PKHD1: variants seen among roughly 807,000 people sequenced by gnomAD.
The protein encoded by PKHD1 is fibrocystin.
A neutral mutation model predicts 412.0 loss-of-function variants in PKHD1; 291 were observed. The ratio of observed to expected loss-of-function variants is 0.71; its 90% confidence interval spans 0.64 to 0.78. The LOEUF is 0.78. PKHD1 is among the 30% of genes least tolerant of loss of function. The pLI, the probability that PKHD1 is intolerant of heterozygous loss-of-function variation, is 0.00. For synonymous variants in PKHD1, 1,777 were observed against 1,821.5 expected (o/e 0.98, Z 0.62); for missense variants, 4,825 against 4,950.7 (o/e 0.97, Z 0.76).
intron 55 of PKHD1, among the ~76,000 whole-genome samples, chr6:51,767,191 C>G (rs191519936): frequency 1.3e-5 from 2 of 151,974 alleles, no homozygotes; most frequent in African/African-American, 2.4e-5. Flanking sequence ...GTGCCAACAA[C>G]AGATTACTCA....
chr6:51,707,649 C>A (rs1582196760), intron 60 of PKHD1, among the ~76,000 whole-genome samples: 1 of 152,136 alleles, frequency 6.6e-6, no homozygotes, highest in Non-Finnish European at 1.5e-5. Context: ...ACCATCCCTA[C>A]GTACTCCCAC....
intron 35 of PKHD1, among the ~76,000 whole-genome samples, chr6:51,963,777 G>GA (rs1473531528): frequency 6.6e-6 from 1 of 152,084 alleles, no homozygotes; most frequent in Non-Finnish European, 1.5e-5. Context: ...ATATATTTGA[G>GA]AATGTCTCTG....
chr6:51,881,229 A>AT (rs760290763), intron 46 of PKHD1, among the ~76,000 whole-genome samples: 8 of 151,740 alleles, frequency 5.3e-5, no homozygotes, highest in Non-Finnish European at 1.2e-4. Context: ...CCTTTAGTGT[A>AT]TTTTTTCAAT....
intron 48 of PKHD1, among the ~76,000 whole-genome samples, chr6:51,867,256 G>C (rs749833516): frequency 6.6e-6 from 1 of 152,156 alleles, no homozygotes; most frequent in East Asian, 1.9e-4. Context: ...AAATTAAAGA[G>C]GGCAGGAGCA....
At chr6:51,658,876 T>C (rs980508849) in intron 61 of PKHD1, 76 bp downstream of exon 61, 28 of 919,424 alleles carry the variant, frequency 3.0e-5, no homozygotes, top group East Asian at 4.8e-5. Context: ...TGTAAGTAGA[T>C]TGACATTTGC....
chr6:51,840,770 T>C (rs370533645), intron 50 of PKHD1, among the ~76,000 whole-genome samples: 71 of 152,282 alleles, frequency 4.7e-4, no homozygotes, highest in African/African-American at 1.6e-3. Context: ...GAGACCCAGA[T>C]GGAAAAGATC....
chr6:51,988,978 T>G (rs147743926), intron 35 of PKHD1, among the ~76,000 whole-genome samples: 25 of 152,354 alleles, frequency 1.6e-4, no homozygotes, highest in African/African-American at 6.0e-4. Context: ...GGGGCTCACA[T>G]TGTTAAAGTC....
At chr6:51,639,038 A>T in intron 63 of PKHD1, 82 bp from the exon 64 acceptor site, 1 of 1,045,744 alleles carries the variant, frequency 9.6e-7, no homozygotes, top group Non-Finnish European at 1.5e-6. Flanking sequence ...GAAGGCAGAC[A>T]TTTGGACAAT....
chr6:52,028,039 T>C, intron 30 of PKHD1, 117 bp downstream of exon 30: 7 of 1,227,370 alleles, frequency 5.7e-6, no homozygotes, highest in South Asian at 1.2e-5. Flanking sequence ...ATGATGTTCA[T>C]GTCTTTAACC....
intron 66 of PKHD1, among the ~76,000 whole-genome samples, chr6:51,621,532 T>C (rs184821697): frequency 3.4e-4 from 52 of 152,296 alleles, no homozygotes; most frequent in Middle Eastern, 3.4e-3. Context: ...TTGGAAATCT[T>C]TTCCCCCTTG....
At chr6:51,802,949 T>G (rs1763163849) in intron 52 of PKHD1, among the ~76,000 whole-genome samples, 1 of 147,072 alleles carries the variant, frequency 6.8e-6, no homozygotes, top group African/African-American at 2.6e-5. Flanking sequence ...AAAAATAAGA[T>G]GCTTGTATCC....
At chr6:51,883,984 G>T (rs781509382) in intron 45 of PKHD1, among the ~76,000 whole-genome samples, 5 of 152,092 alleles carry the variant, frequency 3.3e-5, no homozygotes, top group Non-Finnish European at 7.4e-5. Flanking sequence ...CTCAATCTTG[G>T]ACTTCCAAGC....
intron 63 of PKHD1, among the ~76,000 whole-genome samples, chr6:51,644,953 C>T (rs1380641076): frequency 2.6e-5 from 4 of 152,158 alleles, no homozygotes; most frequent in Non-Finnish European, 5.9e-5. Flanking sequence ...GCTGGCATTA[C>T]AGGCATGTGT....
chr6:51,704,378 A>G (rs758779619), intron 60 of PKHD1, among the ~76,000 whole-genome samples: 7 of 152,104 alleles, frequency 4.6e-5, no homozygotes, highest in Non-Finnish European at 1.0e-4. Context: ...TTTCTTCTAT[A>G]AGATAAAGGG....
intron 52 of PKHD1, among the ~76,000 whole-genome samples, chr6:51,829,462 C>A (rs1039089576): frequency 6.6e-6 from 1 of 152,100 alleles, no homozygotes; most frequent in Admixed American, 6.5e-5. Context: ...GTGGGAAAAA[C>A]CATAGCCCAG....
At chr6:51,817,578 G>A (rs148293108) in intron 52 of PKHD1, among the ~76,000 whole-genome samples, 28 of 152,264 alleles carry the variant, frequency 1.8e-4, no homozygotes, top group Non-Finnish European at 3.4e-4. Context: ...GCCTCACTAT[G>A]CCAACAGCAA....
chr6:51,918,543 C>A (rs973161183), intron 37 of PKHD1, among the ~76,000 whole-genome samples: 1 of 152,182 alleles, frequency 6.6e-6, no homozygotes, highest in Non-Finnish European at 1.5e-5. Context: ...TTTATGGCTG[C>A]ATAGTATTCC....
intron 64 of PKHD1, among the ~76,000 whole-genome samples, chr6:51,634,929 A>G (rs1027025325): frequency 2.0e-5 from 3 of 152,106 alleles, no homozygotes; most frequent in African/African-American, 4.8e-5. Context: ...TTTTATTTTT[A>G]TTTTGTTAAT....
rs569330913 is a variant in PKHD1 at position 51,830,505 on chromosome 6, ATTG to A, written c.8302+353_8302+355del. 3.0e-3 allele frequency among the ~76,000 whole-genome samples: 456 copies of A among 152,308 alleles called. 1 individual carries two copies. The highest frequency in any genetic ancestry group is 0.011 in the African/African-American group (442 of 41,562). ...GCAAACCATCAGAATGCATTAATAA[ATTG>A]TTGTCTTCCATACCCTCTGTGTCTT... On this transcript the variant is annotated intron_variant, in intron 52 of 66. Coordinates refer to ENST00000371117, the MANE Select transcript of PKHD1 (RefSeq NM_138694.4).
Sources: gnomAD v4.1 joint callset for allele counts (sites outside exome capture counted in the v4.1 genomes callset) on GRCh38, gnomAD v4.1.1 for gene constraint, MANE v1.5 for transcripts, NCBI Gene and HGNC (gene_info 2026-07-23, HGNC 2026-07-21) for gene names.